Variants in MDN1 observed in about 807,000 individuals in gnomAD.
MDN1 encodes midasin AAA ATPase 1.
In MDN1, 266 loss-of-function variants were observed where a neutral mutation model predicts 669.2. The ratio of observed to expected loss-of-function variants is 0.40; its 90% CI spans 0.36 to 0.44. MDN1 has a LOEUF of 0.44. Ranked by LOEUF, MDN1 falls within the 20% of genes least tolerant of loss-of-function variation. MDN1 has a pLI of 1.00. For synonymous variants in MDN1, 2,385 were observed against 2,457.1 expected, an observed-to-expected ratio of 0.97 and a Z score of 0.87; for missense variants, 5,940 against 6,754.0, an observed-to-expected ratio of 0.88 and a Z score of 4.22.
In MDN1 at chr6:89,661,570, A is replaced by G. The variant is rs140623698; in HGVS notation, c.14574T>C (p.Tyr4858=). 5 of 1,613,784 alleles carry G rather than the reference A, an allele frequency of 3.1e-6. No individual in the cohort carries two copies. The Admixed American group carries it at 6.7e-5, about 22-fold the overall frequency. ...KINEQIDERD[Y]DENEVDPYHG... is the part of the protein sequence containing the mutation. ...GGTAAGGGTCCACCTCATTTTCATC[A>G]TAGTCCCTCTTTGGGACAATGGAGA... The change falls in exon 88 of 102, where the codon TAT becomes TAC. Residue 4858 remains tyrosine, a synonymous_variant. Transcript: ENST00000369393.
At chr6:89,711,751 A>C in intron 49 of MDN1, among the ~76,000 whole-genome samples, 1 of 152,208 alleles carries the variant, frequency 6.6e-6, no homozygotes, top group East Asian at 1.9e-4. Context: ...AGATGTTCAA[A>C]ACTAAAAAGT....
chr6:89,796,117 G>A (rs539201477), intron 2 of MDN1, among the ~76,000 whole-genome samples: 6 of 151,718 alleles, frequency 4.0e-5, no homozygotes, highest in Non-Finnish European at 8.8e-5. Flanking sequence ...TTTAGGTAAG[G>A]AGTTCAAGAC....
intron 31 of MDN1, among the ~76,000 whole-genome samples, chr6:89,742,419 A>G (rs2128317143): frequency 8.7e-6 from 1 of 115,228 alleles, no homozygotes; most frequent in East Asian, 2.8e-4. Context: ...AAAAATAAAC[A>G]AACAAACCCC....
At chr6:89,675,081 C>T (rs927034069) in intron 78 of MDN1, among the ~76,000 whole-genome samples, 14 of 152,244 alleles carry the variant, frequency 9.2e-5, no homozygotes. Flanking sequence ...ACTCAAATCT[C>T]ATCGGTGCCC....
chr6:89,763,358 T>C (rs1216875563), intron 15 of MDN1, among the ~76,000 whole-genome samples: 1 of 133,908 alleles, frequency 7.5e-6, no homozygotes, highest in Non-Finnish European at 1.6e-5. Flanking sequence ...AAAAAAAAAA[T>C]CTTAGCTATT....
At chr6:89,810,072 C>T (rs1369799828) in intron 1 of MDN1, among the ~76,000 whole-genome samples, 1 of 149,214 alleles carries the variant, frequency 6.7e-6, no homozygotes, top group African/African-American at 2.5e-5. Flanking sequence ...TGGGCAGTCC[C>T]TGACTGAATG....
chr6:89,737,764 C>A (rs1409033310), intron 33 of MDN1, among the ~76,000 whole-genome samples: 1 of 150,244 alleles, frequency 6.7e-6, no homozygotes, highest in African/African-American at 2.5e-5. Context: ...GGCTCTGCTG[C>A]CCAGGCTGGA....
At chr6:89,809,717 A>G (rs893932743) in intron 1 of MDN1, among the ~76,000 whole-genome samples, 36 of 151,396 alleles carry the variant, frequency 2.4e-4, no homozygotes, top group African/African-American at 8.5e-4. Flanking sequence ...CAGAGGTTGC[A>G]GTAAGCCACG....
chr6:89,765,986 T>C (rs983395973), intron 15 of MDN1, among the ~76,000 whole-genome samples: 29 of 152,216 alleles, frequency 1.9e-4, no homozygotes, highest in Non-Finnish European at 3.5e-4. Flanking sequence ...CAAAGTAGAC[T>C]GAGTTCCTTA....
rs765897322 is a variant in MDN1, at chr6:89,745,231, A to G, written c.4178+42T>C. The G allele has an allele frequency of 6.2e-6, 10 of 1,610,216 alleles. No individual in the cohort carries two copies. The South Asian group carries it at 1.1e-4, about 18-fold the overall frequency. On this transcript the variant is annotated intron_variant, in intron 29 of 101. Transcript: ENST00000369393. ...AGTGATAACTCAAGTAATCCTATGG[A>G]ATTGAAATGAACCCTCATGAGTCAC...
intron 5 of MDN1, 128 bp from the exon 6 acceptor site, chr6:89,790,529 A>C: frequency 8.9e-7 from 1 of 1,127,958 alleles, no homozygotes; most frequent in Non-Finnish European, 1.3e-6. Context: ...TACCAAAACT[A>C]TAATAACAAC....
intron 22 of MDN1, among the ~76,000 whole-genome samples, chr6:89,752,858 C>T (rs976997661): frequency 5.3e-5 from 8 of 152,148 alleles, no homozygotes; most frequent in African/African-American, 1.4e-4. Flanking sequence ...GGCACGGTGA[C>T]TCACGCCTGT....
chr6:89,793,727 G>C (rs1406185214), intron 5 of MDN1, 35 bp downstream of exon 5: 2 of 1,559,390 alleles, frequency 1.3e-6, no homozygotes, highest in Non-Finnish European at 1.8e-6. Context: ...TTTAGTAGGG[G>C]GAAGGGGACA....
intron 2 of MDN1, among the ~76,000 whole-genome samples, chr6:89,799,246 TGGG>T (rs573822332): frequency 0.011 from 1,695 of 152,342 alleles, 15 homozygotes; most frequent in Non-Finnish European, 0.017. Flanking sequence ...AGGCTGTGAC[TGGG>T]CCCACCCACT....
At chr6:89,644,769 C>T (rs761030012) in intron 101 of MDN1, among the ~76,000 whole-genome samples, 8 of 152,216 alleles carry the variant, frequency 5.3e-5, no homozygotes, top group Non-Finnish European at 1.2e-4. Flanking sequence ...CCACTCATTA[C>T]CTATAACCTC....
intron 9 of MDN1, among the ~76,000 whole-genome samples, chr6:89,784,486 CA>C (rs1309089413): frequency 6.6e-6 from 1 of 152,046 alleles, no homozygotes; most frequent in Non-Finnish European, 1.5e-5. Flanking sequence ...GGAAATCTTC[CA>C]AGTGAGACAT....
In MDN1 at chr6:89,653,063, C is replaced by T. The variant is rs1221945442; in HGVS notation, c.15754G>A (p.Glu5252Lys). The change falls in exon 94 of 102, where the codon GAG becomes AAG. Residue 5252 changes from glutamate (E) to lysine (K), a missense_variant. Physicochemically the swap from Glu to Lys is moderately conservative, Grantham distance 56 (BLOSUM62 1). Coordinates refer to ENST00000369393, the MANE Select transcript of MDN1 (RefSeq NM_014611.3). Reference sequence around the variant, plus strand: ...GACTCTCGGCTTCTTTCTGGTTTCTCATTTTCTGTCTCCTTATGGGCTTTG... The same window carrying T: ...GACTCTCGGCTTCTTTCTGGTTTCTTATTTTCTGTCTCCTTATGGGCTTTG... ...TDKAHKETENEKPERSRESTI... is the reference protein window; with the variant it reads ...TDKAHKETENKKPERSRESTI... 6.2e-7 allele frequency: 1 copy of T among 1,614,114 alleles called. No individual in the cohort carries two copies. Among genetic ancestry groups the T allele is most frequent in the South Asian group, 1.1e-5 (1 of 91,084 alleles).
At chr6:89,701,093 A>G (rs899676959) in intron 55 of MDN1, among the ~76,000 whole-genome samples, 11 of 152,220 alleles carry the variant, frequency 7.2e-5, no homozygotes, top group African/African-American at 2.7e-4. Flanking sequence ...ATTACTAAAC[A>G]GGATTCATGG....
intron 99 of MDN1, among the ~76,000 whole-genome samples, 159 bp downstream of exon 99, chr6:89,647,873 A>AG (rs1316582194): frequency 6.6e-6 from 1 of 152,150 alleles, no homozygotes; most frequent in Non-Finnish European, 1.5e-5. Context: ...GGACTGCTTG[A>AG]GCCCGGGAGT....
Sources: allele counts gnomAD v4.1 joint callset (sites outside exome capture counted in the v4.1 genomes callset), GRCh38; gene constraint gnomAD v4.1.1; transcripts MANE v1.5; gene names NCBI Gene and HGNC (gene_info 2026-07-23, HGNC 2026-07-21).